Variants in KMT2D observed in about 807,000 individuals in gnomAD.
KMT2D encodes the protein histone-lysine N-methyltransferase 2D.
In KMT2D, 55 loss-of-function variants were observed where a neutral mutation model predicts 512.7. The observed-to-expected ratio is 0.11, with a 90% CI of 0.09 to 0.13. The LOEUF is 0.13. KMT2D is among the 10% of genes least tolerant of loss of function. The pLI, the probability that KMT2D is intolerant of heterozygous loss-of-function variation, is 1.00. For synonymous variants in KMT2D, 2,995 were observed against 2,904.0 expected, an observed-to-expected ratio of 1.03 and a Z score of -1.01; for missense variants, 6,061 against 7,127.9, an observed-to-expected ratio of 0.85 and a Z score of 5.39.
At position 49,031,092 on chromosome 12, in the gene KMT2D, C is replaced by A. The variant is rs1241588220; in HGVS notation, c.13531-59G>T. ...CTCCTCCTCAGAGCCCTCATCTCTT[C>A]TGTCTGACCCAGGCTCACTCATTCT... is the stretch of plus-strand genomic sequence containing the variant. On this transcript the variant is annotated intron_variant, in intron 40 of 54. Transcript: ENST00000301067. The A allele has an allele frequency of 2.9e-6, 4 of 1,389,008 alleles. No homozygotes were observed. The Admixed American group carries it at 7.2e-5, about 25-fold the overall frequency. The allele number at this position is 1,389,008 out of a possible 1,614,324, so 86.0% of individuals were successfully genotyped here. A position where few individuals can be genotyped will look rare whatever the true frequency, so the allele number is the denominator to read the frequency against.
At chr12:49,043,242 T>C in intron 25 of KMT2D, 56 bp from the exon 26 acceptor site, 1 of 1,545,298 alleles carries the variant, frequency 6.5e-7, no homozygotes. Context: ...ATGGCCACTC[T>C]GAACCACAGA....
In KMT2D at chr12:49,028,247, G is replaced by T. The variant is rs867501956; in HGVS notation, c.14383-106C>A. On this transcript the variant is annotated intron_variant, in intron 46 of 54. Coordinates refer to ENST00000301067, the MANE Select transcript of KMT2D (RefSeq NM_003482.4). ...AAGGACACCTAGAACCCACTCCCCA[G>T]GGTAGTTCTATCCTATGTCACCCAG... 28 of 1,380,376 alleles carry T rather than the reference G, an allele frequency of 2.0e-5. No individual in the cohort carries two copies. The Middle Eastern group carries it at 9.2e-4, about 45-fold the overall frequency. 85.5% of individuals were successfully genotyped at this position (1,380,376 alleles called of 1,614,324 possible). A position where few individuals can be genotyped will look rare whatever the true frequency, so the allele number is the denominator to read the frequency against.
At position 49,020,589 on chromosome 12, in the gene KMT2D, G is replaced by T. The variant is rs1185174181; in HGVS notation, c.*1191C>A. The T allele has an allele frequency of 1.3e-4, 8 of 60,088 alleles. No homozygotes were observed. The highest frequency in any genetic ancestry group is 2.5e-4 in the Non-Finnish European group (7 of 27,778). The allele number at this position is 60,088 out of a possible 1,614,324, so 3.7% of individuals were successfully genotyped here. A position where few individuals can be genotyped will look rare whatever the true frequency, so the allele number is the denominator to read the frequency against. The stretch of plus-strand genomic sequence containing the variant: ...TAGATAAATACCCCCCACCCTCCCC[G>T]CGCTGACACTAAGCTCCCCCACCCC... On this transcript the variant is annotated 3_prime_UTR_variant, in exon 55 of 55. Coordinates refer to ENST00000301067, the MANE Select transcript of KMT2D (RefSeq NM_003482.4).
rs747689813 is a variant in KMT2D, at chr12:49,051,476, G to A, written c.2207C>T (p.Pro736Leu). ...LPLPEEPQLC[P>L]RSEGPHLSPR... is the part of the protein sequence containing the mutation. The stretch of plus-strand genomic sequence containing the variant: ...TGACAGGTGCGGCCCCTCGGACCGG[G>A]GGCAGAGTTGCGGCTCCTCAGGTAG... The change falls in exon 11 of 55, where the codon CCC becomes CTC. Residue 736 changes from proline to leucine, a missense_variant. Pro to Leu is a moderately conservative substitution (Grantham distance 98). Around this residue, in one of 16 missense-constraint regions of KMT2D, gnomAD observed 848 missense variants for 838.5 expected, o/e 1.01. Coordinates refer to ENST00000301067, the MANE Select transcript of KMT2D (RefSeq NM_003482.4). The A allele has an allele frequency of 6.2e-7, 1 of 1,613,788 alleles. No individual in the cohort carries two copies. Among genetic ancestry groups the A allele is most frequent in the Non-Finnish European group, 8.5e-7 (1 of 1,179,796 alleles).
In KMT2D at chr12:49,020,059, T is replaced by C. The variant is rs1216562655; in HGVS notation, c.*1721A>G. On this transcript the variant is annotated 3_prime_UTR_variant, in exon 55 of 55. Coordinates refer to ENST00000301067, the MANE Select transcript of KMT2D (RefSeq NM_003482.4). ...CCACGGTTCCCTACCAGAGAGGGGT[T>C]TGGGGCCTCACCCACCCCTTACCTA... is the stretch of plus-strand genomic sequence containing the variant. 2.0e-5 allele frequency: 4 copies of C among 200,632 alleles called. No individual in the cohort carries two copies. Among genetic ancestry groups the C allele is most frequent in the Non-Finnish European group, 4.1e-5 (4 of 96,938 alleles). The allele number at this position is 200,632 out of a possible 1,614,324, so 12.4% of individuals were successfully genotyped here.
Position 49,024,654 on chromosome 12 carries a change from G to A in KMT2D, c.15976C>T (p.Leu5326Phe), listed in dbSNP as rs1942486258. 1.9e-6 allele frequency: 3 copies of A among 1,613,896 alleles called. No homozygotes were observed. Among genetic ancestry groups the A allele is most frequent in the Non-Finnish European group, 2.5e-6 (3 of 1,179,838 alleles). Residue 5326 changes from leucine to phenylalanine, a missense_variant, in exon 51 of 55, where the codon CTT (leucine) becomes TTT (phenylalanine). By Grantham distance (22) the Leu-to-Phe change is conservative. This residue lies in a region of KMT2D where 261 missense variants were observed against 440.7 expected (regional missense o/e 0.59). Coordinates refer to ENST00000301067, the MANE Select transcript of KMT2D (RefSeq NM_003482.4). The surrounding 1 kb of genome is among the most constrained non-coding windows in gnomAD (Gnocchi z 4.5). ...TTGATCATGAGTGGCAGCTCCATAA[G>A]GGGGTGGCGCCCATAGCGGAATAAA... The part of the protein sequence containing the change: ...NYLFRYGRHP[L>F]MELPLMINPT...
chr12:49,021,717 C>G lies in KMT2D; in HGVS notation c.*63G>C. On this transcript the variant is annotated 3_prime_UTR_variant, in exon 55 of 55. Coordinates refer to ENST00000301067, the MANE Select transcript of KMT2D (RefSeq NM_003482.4). ...TCTGGCTGCTACCTCTCTTCCCCCT[C>G]ATCCCTTTCAGGGAAGAGGTTGTGG... 7.4e-7 allele frequency: 1 copy of G among 1,353,158 alleles called. No homozygotes were observed. Among genetic ancestry groups the G allele is most frequent in the Non-Finnish European group, 1.1e-6 (1 of 948,496 alleles). The allele number at this position is 1,353,158 out of a possible 1,614,324, so 83.8% of individuals were successfully genotyped here. A position where few individuals can be genotyped will look rare whatever the true frequency, so the allele number is the denominator to read the frequency against.
chr12:49,046,877 C>G lies in KMT2D; in HGVS notation c.4237-87G>C, dbSNP rs1414717737. On this transcript the variant is annotated intron_variant, in intron 15 of 54. Coordinates refer to ENST00000301067, the MANE Select transcript of KMT2D (RefSeq NM_003482.4). This position sits in a 1 kb window ranked among gnomAD's most constrained non-coding sequence, Gnocchi z 4.2. ...ATTTTTTTTTGGAGATGGAGTTTTG[C>G]TCTTGTTCCCCAGGCTGGAGTGCAA... is the stretch of plus-strand genomic sequence containing the variant. 3 of 1,272,406 alleles carry G rather than the reference C, an allele frequency of 2.4e-6. No individual in the cohort carries two copies. Among genetic ancestry groups the G allele is most frequent in the Non-Finnish European group, 3.2e-6 (3 of 925,002 alleles). 78.8% of individuals were successfully genotyped at this position (1,272,406 alleles called of 1,614,324 possible).
intron 49 of KMT2D, among the ~76,000 whole-genome samples, chr12:49,025,419 C>G (rs930068828): frequency 4.6e-5 from 7 of 152,190 alleles, no homozygotes; most frequent in Non-Finnish European, 1.0e-4. Flanking sequence ...CACATACTTA[C>G]CGTATGTTAC....
In KMT2D at chr12:49,027,290, G is replaced by A. The variant is rs2120371036; in HGVS notation, c.14676C>T (p.His4892=). ...GATTGGAGACATTGTAGGTATAGCT[G>A]TGCTGAGTGGGTGGCTCTGGGGCGG... ...ESPAPEPPTQ[H]SYTYNVSNLD... The change falls in exon 49 of 55, where the codon CAC becomes CAT. Residue 4892 remains histidine (H), a synonymous_variant. Transcript: ENST00000301067. The A allele has an allele frequency of 6.5e-7, 1 of 1,538,308 alleles. No homozygotes were observed. Among genetic ancestry groups the A allele is most frequent in the Non-Finnish European group, 8.7e-7 (1 of 1,145,684 alleles).
In KMT2D at chr12:49,048,035, C is replaced by G. The variant is rs2120620736; in HGVS notation, c.4166G>C (p.Gly1389Ala). Residue 1389 changes from glycine to alanine, a missense_variant, in exon 15 of 55, where the codon GGG becomes GCG. Physicochemically the swap from Gly to Ala is moderately conservative, Grantham distance 60. Transcript: ENST00000301067. ...MCVVCGSFGR[G>A]AEGHLLACSQ... ...ACAGGCAAGGAGGTGGCCCTCTGCC[C>G]CCCGGCCAAAGCTGCCACATACCAC... 6.2e-7 allele frequency: 1 copy of G among 1,610,080 alleles called. No homozygotes were observed. Among genetic ancestry groups the G allele is most frequent in the Non-Finnish European group, 8.5e-7 (1 of 1,176,598 alleles).
Position 49,037,675 on chromosome 12 carries a change from T to C in KMT2D, c.9681A>G (p.Ala3227=), listed in dbSNP as rs2120484020. The change falls in exon 35 of 55, where the codon GCA becomes GCG. Residue 3227 remains alanine, a synonymous_variant. Transcript: ENST00000301067. ...SGALTLPGGP[A]ASGDELDKME... is the part of the protein sequence containing the mutation. ...TCTTGTCTAGCTCATCCCCAGATGC[T>C]GCAGGTCCACCAGGCAAGGTCAAAG... 5.1e-6 allele frequency: 8 copies of C among 1,584,014 alleles called. No homozygotes were observed. In the East Asian group the frequency reaches 9.2e-5, roughly 18 times the overall value.
Position 49,059,802 on chromosome 12 carries a change from G to A in KMT2D, c.-227C>T, listed in dbSNP as rs752630952. Reference sequence around the variant, plus strand: ...AAAAAAACAGCAAGAAGCCAAAGAGGGGTTCTCTGCCTCAGGTTCCAGCAG... The same window carrying A: ...AAAAAAACAGCAAGAAGCCAAAGAGAGGTTCTCTGCCTCAGGTTCCAGCAG... On this transcript the variant is annotated 5_prime_UTR_variant, in exon 1 of 55. Transcript: ENST00000301067. The A allele has an allele frequency of 3.0e-4, 46 of 152,450 alleles. No individual in the cohort carries two copies. The highest frequency in any genetic ancestry group is 5.4e-4 in the Non-Finnish European group (37 of 68,182). 9.4% of individuals were successfully genotyped at this position (152,450 alleles called of 1,614,324 possible). A position where few individuals can be genotyped will look rare whatever the true frequency, so the allele number is the denominator to read the frequency against.
rs10875912 is a variant in KMT2D, at chr12:49,023,161, T to C, written c.16053-286A>G. Reference sequence around the variant, plus strand: ...ATGGGGGGCACCAATTCCCCTACACTGAGCCTGTTCTCCCATCTCCCACTT... The same window carrying C: ...ATGGGGGGCACCAATTCCCCTACACCGAGCCTGTTCTCCCATCTCCCACTT... On this transcript the variant is annotated intron_variant, in intron 51 of 54. Coordinates refer to ENST00000301067, the MANE Select transcript of KMT2D (RefSeq NM_003482.4). Among the ~76,000 whole-genome samples the C allele has an allele frequency of 0.35, 52,591 of 151,818 alleles. 9,256 individuals are homozygous for C. The highest frequency in any genetic ancestry group is 0.43 in the South Asian group (2,091 of 4,814).
chr12:49,020,482 G>A lies in KMT2D; in HGVS notation c.*1298C>T, dbSNP rs1160698696. 5.0e-6 allele frequency: 1 copy of A among 198,268 alleles called. No homozygotes were observed. Among genetic ancestry groups the A allele is most frequent in the Non-Finnish European group, 1.0e-5 (1 of 95,908 alleles). 12.3% of individuals were successfully genotyped at this position (198,268 alleles called of 1,614,324 possible). A position where few individuals can be genotyped will look rare whatever the true frequency, so the allele number is the denominator to read the frequency against. The stretch of plus-strand genomic sequence containing the variant: ...GTAGTTTTACATTTGCTCTCCCCGG[G>A]GGGTGGGGGGAGAGGGGAGGGTTCT... On this transcript the variant is annotated 3_prime_UTR_variant, in exon 55 of 55. Transcript: ENST00000301067.
In KMT2D at chr12:49,041,716, T is replaced by C. The variant is rs775235719; in HGVS notation, c.6184-11A>G. 3.7e-6 allele frequency: 6 copies of C among 1,608,662 alleles called. No individual in the cohort carries two copies. The highest frequency in any genetic ancestry group is 1.7e-4 in the Middle Eastern group (1 of 6,010). On this transcript the variant is annotated splice_polypyrimidine_tract_variant and intron_variant, in intron 30 of 54. Transcript: ENST00000301067. This position sits in a 1 kb window ranked among gnomAD's most constrained non-coding sequence, Gnocchi z 5.4. Reference sequence around the variant, plus strand: ...ATCTTTGGCCTTTTGCTGAGGGATATGGGACACAGCCTTAGGGCCTAGTGC... The same window carrying C: ...ATCTTTGGCCTTTTGCTGAGGGATACGGGACACAGCCTTAGGGCCTAGTGC...
Position 49,031,736 on chromosome 12 carries a change from T to C in KMT2D, c.12969A>G (p.Leu4323=), listed in dbSNP as rs2120423554. 6.2e-7 allele frequency: 1 copy of C among 1,612,574 alleles called. No homozygotes were observed. Among genetic ancestry groups the C allele is most frequent in the Non-Finnish European group, 8.5e-7 (1 of 1,179,416 alleles). ...SPQEPKRPSQ[L]PSPSSQLPTE... ...TGGGAAGCTGGGAGCTGGGGGAAGG[T>C]AATTGTGAAGGTCTCTTTGGCTCTT... Residue 4323 remains leucine, a synonymous_variant, in exon 40 of 55, where the codon TTA becomes TTG. Transcript: ENST00000301067.
chr12:49,021,472 GGTA>G lies in KMT2D; in HGVS notation c.*305_*307del, dbSNP rs1290144492. The G allele has an allele frequency of 6.9e-6, 3 of 434,772 alleles. No homozygotes were observed. The East Asian group carries it at 1.1e-4, about 16-fold the overall frequency. 26.9% of individuals were successfully genotyped at this position (434,772 alleles called of 1,614,324 possible). On this transcript the variant is annotated 3_prime_UTR_variant, in exon 55 of 55. Transcript: ENST00000301067. The stretch of plus-strand genomic sequence containing the variant: ...CCCTGCTGCCTCCCAGATGCTTCTG[GGTA>G]GTTCCCGGCCCATATCCCCCTCAAA...
Position 49,059,975 on chromosome 12 carries a change from C to T in KMT2D, c.-400G>A, listed in dbSNP as rs901279708. Among the ~76,000 whole-genome samples, 1 of 151,698 alleles carries T rather than the reference C, an allele frequency of 6.6e-6. No individual in the cohort carries two copies. Among genetic ancestry groups the T allele is most frequent in the African/African-American group, 2.4e-5 (1 of 41,344 alleles). ...AGGGCCCGGCCAGCGCCCCGGCCGC[C>T]CGCGCCGGGCTCGGGCGGAACGTCG... On this transcript the variant is annotated 5_prime_UTR_variant, in exon 1 of 55. Transcript: ENST00000301067.
Sources: gnomAD v4.1 joint callset for allele counts (sites outside exome capture counted in the v4.1 genomes callset) on GRCh38, gnomAD v4.1.1 for gene constraint, gnomAD v4.1.1 regional missense constraint, Gnocchi (gnomAD v3.1) non-coding constraint, MANE v1.5 for transcripts, NCBI Gene and HGNC (gene_info 2026-07-23, HGNC 2026-07-21) for gene names.